The following NELL1 variants were observed in gnomAD, a reference collection of about 807,000 sequenced individuals.
NELL1 encodes protein kinase C-binding protein NELL1.
NELL1 carries 76 observed loss-of-function variants against 107.4 expected under a neutral mutation model. That is an observed-to-expected ratio of 0.71 (90% CI 0.59 to 0.86). The LOEUF is 0.86. NELL1 is among the 40% of genes least tolerant of loss of function. The pLI, the probability that NELL1 is intolerant of heterozygous loss-of-function variation, is 0.00. For missense variants in NELL1, 1,024 were observed against 1,005.5 expected (o/e 1.02, Z -0.25); for synonymous variants, 353 against 341.2 (o/e 1.03, Z -0.38).
Position 21,094,725 on chromosome 11 carries a change from C to T in NELL1, c.1301-18864C>T, listed in dbSNP as rs201897083. ...TGAACTCTATGTTGGCTTCTTTCAT[C>T]GGTGGCTGAAGAAGGCTGGGACACA... On this transcript the variant is annotated intron_variant, in intron 12 of 19. Transcript: ENST00000357134. 1.5e-3 allele frequency among the ~76,000 whole-genome samples: 236 copies of T among 152,284 alleles called. 4 individuals are homozygous for T. In the East Asian group the frequency reaches 0.028, roughly 18 times the overall value.
chr11:21,208,139 T>C (rs1267459989), intron 13 of NELL1, among the ~76,000 whole-genome samples: 1 of 152,072 alleles, frequency 6.6e-6, no homozygotes, highest in Non-Finnish European at 1.5e-5. Flanking sequence ...ACATTAGATC[T>C]CTAGACTTGT....
At chr11:21,053,174 G>A (rs1051187201) in intron 12 of NELL1, among the ~76,000 whole-genome samples, 1 of 152,026 alleles carries the variant, frequency 6.6e-6, no homozygotes, top group Non-Finnish European at 1.5e-5. Flanking sequence ...AGAATGTGCA[G>A]GTTTGTTACA....
chr11:21,230,329 G>C (rs1387953255), intron 14 of NELL1, among the ~76,000 whole-genome samples: 1 of 151,888 alleles, frequency 6.6e-6, no homozygotes, highest in Non-Finnish European at 1.5e-5. Context: ...CTGGTGTTTA[G>C]ATATTATCTG....
chr11:20,764,052 G>A (rs1004829340), intron 2 of NELL1, among the ~76,000 whole-genome samples: 19 of 152,160 alleles, frequency 1.2e-4, no homozygotes, highest in African/African-American at 3.9e-4. Flanking sequence ...TGGGCTCTGC[G>A]TTGCCAGGTC....
chr11:21,427,063 T>G (rs1415432568), intron 15 of NELL1, among the ~76,000 whole-genome samples: 2 of 152,106 alleles, frequency 1.3e-5, no homozygotes, highest in African/African-American at 4.8e-5. Context: ...TGCGTGGGCC[T>G]GGAGATGCTG....
At chr11:20,679,808 T>A (rs1274425201) in intron 2 of NELL1, among the ~76,000 whole-genome samples, 1 of 152,212 alleles carries the variant, frequency 6.6e-6, no homozygotes, top group Non-Finnish European at 1.5e-5. Context: ...GGCCACCTAC[T>A]GTGCATGAAA....
intron 15 of NELL1, among the ~76,000 whole-genome samples, chr11:21,413,701 C>T (rs1564882775): frequency 6.6e-6 from 1 of 152,032 alleles, no homozygotes; most frequent in Non-Finnish European, 1.5e-5. Context: ...CCCTTCTCCT[C>T]AAATCTTACT....
At chr11:21,275,921 A>G (rs900331794) in intron 14 of NELL1, among the ~76,000 whole-genome samples, 3 of 152,224 alleles carry the variant, frequency 2.0e-5, no homozygotes, top group Non-Finnish European at 4.4e-5. Context: ...AGAGCTATCT[A>G]TGACAAATCC....
At chr11:21,148,657 C>G (rs1006172993) in intron 13 of NELL1, among the ~76,000 whole-genome samples, 1 of 152,062 alleles carries the variant, frequency 6.6e-6, no homozygotes, top group Non-Finnish European at 1.5e-5. Flanking sequence ...GAGGAAACAA[C>G]CCCCCTGCAC....
intron 12 of NELL1, among the ~76,000 whole-genome samples, chr11:21,076,375 T>C (rs1854136562): frequency 6.6e-6 from 1 of 152,206 alleles, no homozygotes; most frequent in Admixed American, 6.5e-5. Context: ...TCTGTGGTTA[T>C]TTCACACACA....
At chr11:21,174,170 A>C (rs1477266720) in intron 13 of NELL1, among the ~76,000 whole-genome samples, 1 of 151,692 alleles carries the variant, frequency 6.6e-6, no homozygotes, top group African/African-American at 2.4e-5. Flanking sequence ...TATATTTTTC[A>C]TCCAAACTGA....
intron 14 of NELL1, among the ~76,000 whole-genome samples, chr11:21,308,342 A>T (rs1289412592): frequency 6.6e-6 from 1 of 152,066 alleles, no homozygotes; most frequent in Admixed American, 6.6e-5. Context: ...CAAGCTGCTG[A>T]GAACAAGAGC....
At chr11:21,245,068 T>C (rs774297296) in intron 14 of NELL1, among the ~76,000 whole-genome samples, 1 of 152,164 alleles carries the variant, frequency 6.6e-6, no homozygotes, top group Non-Finnish European at 1.5e-5. Flanking sequence ...CCTTCTTACA[T>C]GTTACATTGA....
intron 2 of NELL1, among the ~76,000 whole-genome samples, chr11:20,768,039 C>G (rs1856568656): frequency 6.6e-6 from 1 of 152,102 alleles, no homozygotes; most frequent in Non-Finnish European, 1.5e-5. Flanking sequence ...GACGTTTGAG[C>G]TGAAGCCTAA....
intron 14 of NELL1, among the ~76,000 whole-genome samples, chr11:21,277,057 TTAAAC>T (rs1235984641): frequency 4.0e-5 from 6 of 151,222 alleles, no homozygotes; most frequent in Non-Finnish European, 7.4e-5. Context: ...TGGGATCTAA[TTAAAC>T]TAAAGAGCTT....
At chr11:21,570,067 A>C (rs1241795245) in intron 17 of NELL1, among the ~76,000 whole-genome samples, 1 of 151,886 alleles carries the variant, frequency 6.6e-6, no homozygotes, top group East Asian at 1.9e-4. Flanking sequence ...GCTGACTTTC[A>C]ATTTTTTATA....
intron 14 of NELL1, among the ~76,000 whole-genome samples, chr11:21,358,680 G>T (rs987312104): frequency 6.7e-6 from 1 of 148,232 alleles, no homozygotes; most frequent in African/African-American, 2.5e-5. Context: ...GCCTCCCAAA[G>T]TGGTGGGATT....
intron 11 of NELL1, among the ~76,000 whole-genome samples, chr11:20,950,875 A>C (rs771998853): frequency 2.6e-5 from 4 of 152,208 alleles, no homozygotes; most frequent in Non-Finnish European, 5.9e-5. Flanking sequence ...CAAAAACCAA[A>C]GTGGCTGTGG....
At position 21,573,360 on chromosome 11, in the gene NELL1, G is replaced by C. The variant is rs765813409; in HGVS notation, c.2333G>C (p.Gly778Ala). Residue 778 changes from glycine to alanine, a missense_variant, in exon 19 of 20, where the codon GGC becomes GCC. Gly to Ala is a moderately conservative substitution (Grantham distance 60). Transcript: ENST00000357134. ...AGCTATGGTGTTTCACGGCTTAGTG[G>C]CTCAGTGTGGACGATGGCTGGATCT... The part of the protein sequence containing the change: ...LDSYGVSRLS[G>A]SVWTMAGSPC... The C allele has an allele frequency of 6.2e-7, 1 of 1,612,408 alleles. No individual in the cohort carries two copies. The highest frequency in any genetic ancestry group is 1.1e-5 in the South Asian group (1 of 91,064).
Sources: allele counts gnomAD v4.1 joint callset (sites outside exome capture counted in the v4.1 genomes callset), GRCh38; gene constraint gnomAD v4.1.1; transcripts MANE v1.5; gene names NCBI Gene and HGNC (gene_info 2026-07-23, HGNC 2026-07-21).